The following FAM149B1 variants were observed in gnomAD, a reference collection of about 807,000 sequenced individuals.
The protein encoded by FAM149B1 is primary cilium assembly protein FAM149B1.
Under a neutral mutation model 75.3 loss-of-function variants are expected in FAM149B1, and 56 were observed. The ratio of observed to expected loss-of-function variants is 0.74; its 90% CI spans 0.60 to 0.93. FAM149B1 has a LOEUF of 0.93. Among genes scored for constraint, FAM149B1 ranks in the 40% least tolerant of loss-of-function variants. The pLI, the probability that FAM149B1 is intolerant of heterozygous loss-of-function variation, is 0.00. For missense variants in FAM149B1, 639 were observed against 708.4 expected (o/e 0.90, Z 1.11); for synonymous variants, 259 against 256.1 (o/e 1.01, Z -0.11).
intron 5 of FAM149B1, chr10:73,201,133 T>G: frequency 3.7e-6 from 1 of 272,422 alleles, no homozygotes; most frequent in Admixed American, 3.8e-5. Context: ...AAAAACTTTG[T>G]TACTGAGGAA....
At chr10:73,179,502 C>G (rs916336828) in intron 3 of FAM149B1, among the ~76,000 whole-genome samples, 3 of 151,946 alleles carry the variant, frequency 2.0e-5, no homozygotes, top group African/African-American at 7.2e-5. Context: ...CAGCCTCAAA[C>G]TCCTGGGCTC....
At chr10:73,178,081 A>G in intron 3 of FAM149B1, 106 bp downstream of exon 3, 1 of 1,141,096 alleles carries the variant, frequency 8.8e-7, no homozygotes, top group Non-Finnish European at 1.2e-6. Context: ...GTTTCTTTAC[A>G]TTTATCATAC....
rs1191885498 is a variant in FAM149B1 at position 73,242,886 on chromosome 10, T to C, written c.*1867T>C. Reference sequence around the variant, plus strand: ...ACACCTCTTACAAAAATGCTTGAAGTAATTTAACACCTGTACATCAGTACA... The same window carrying C: ...ACACCTCTTACAAAAATGCTTGAAGCAATTTAACACCTGTACATCAGTACA... On this transcript the variant is annotated 3_prime_UTR_variant, in exon 14 of 14. Transcript: ENST00000242505. 1.3e-5 allele frequency: 2 copies of C among 152,782 alleles called. No homozygotes were observed. The highest frequency in any genetic ancestry group is 4.8e-5 in the African/African-American group (2 of 41,438). 9.5% of individuals were successfully genotyped at this position (152,782 alleles called of 1,614,324 possible). A position where few individuals can be genotyped will look rare whatever the true frequency, so the allele number is the denominator to read the frequency against.
intron 5 of FAM149B1, among the ~76,000 whole-genome samples, chr10:73,203,588 G>A (rs1397585717): frequency 6.6e-6 from 1 of 151,468 alleles, no homozygotes. Context: ...CCTCTATTTT[G>A]AAACAGTTGG....
intron 5 of FAM149B1, among the ~76,000 whole-genome samples, chr10:73,193,913 C>T (rs2042736805): frequency 6.6e-6 from 1 of 152,146 alleles, no homozygotes; most frequent in South Asian, 2.1e-4. Flanking sequence ...GGTCAAGGGG[C>T]AGGACCTTCT....
rs147270079 is a variant in FAM149B1, at chr10:73,207,109, C to T, written c.543-1510C>T. On this transcript the variant is annotated intron_variant, in intron 5 of 13. Coordinates refer to ENST00000242505, the MANE Select transcript of FAM149B1 (RefSeq NM_173348.2). ...AAGCCTGATGCAGGGGTGGAGTCCT[C>T]ACAGAGAATCTCTATTGGGCAGTGC... Among the ~76,000 whole-genome samples, 583 of 152,246 alleles carry T rather than the reference C, an allele frequency of 3.8e-3. 8 individuals carry two copies. The highest frequency in any genetic ancestry group is 0.013 in the African/African-American group (530 of 41,528).
chr10:73,230,774 G>A (rs1589190865), intron 9 of FAM149B1: 1 of 385,022 alleles, frequency 2.6e-6, no homozygotes. Context: ...CCATGTGCGT[G>A]CTGTCCAGAA....
At chr10:73,174,589 CCAGAG>C in intron 1 of FAM149B1, 93 bp from the exon 2 acceptor site, 1 of 850,880 alleles carries the variant, frequency 1.2e-6, no homozygotes, top group Non-Finnish European at 1.9e-6. Context: ...CAGTGCAGTT[CCAGAG>C]CAGAGGAAGT....
chr10:73,233,084 A>G lies in FAM149B1; in HGVS notation c.1273A>G (p.Thr425Ala), dbSNP rs1250527336. ...STRRRNPPPR[T>A]LHPISTSHSC... Reference sequence around the variant, plus strand: ...CAGGAGACGCAATCCACCACCACGAACTCTTCATCCGATCAGCACGAGCCA... The same window carrying G: ...CAGGAGACGCAATCCACCACCACGAGCTCTTCATCCGATCAGCACGAGCCA... The change falls in exon 10 of 14, where the codon ACT becomes GCT. Residue 425 changes from threonine (T) to alanine (A), a missense_variant. Thr to Ala is a moderately conservative substitution (Grantham distance 58, BLOSUM62 0). Coordinates refer to ENST00000242505, the MANE Select transcript of FAM149B1 (RefSeq NM_173348.2). 3.2e-6 allele frequency: 5 copies of G among 1,551,302 alleles called. No homozygotes were observed. The highest frequency in any genetic ancestry group is 2.0e-5 in the Admixed American group (1 of 50,942).
At chr10:73,205,983 AC>A (rs2043045523) in intron 5 of FAM149B1, among the ~76,000 whole-genome samples, 1 of 152,242 alleles carries the variant, frequency 6.6e-6, no homozygotes, top group African/African-American at 2.4e-5. Flanking sequence ...ATGTTGAAAG[AC>A]TGGAGGGCTC....
At chr10:73,194,729 T>C (rs1589152282) in intron 5 of FAM149B1, among the ~76,000 whole-genome samples, 1 of 149,980 alleles carries the variant, frequency 6.7e-6, no homozygotes, top group South Asian at 2.1e-4. Flanking sequence ...AAGGCTGGAG[T>C]GCAGTGTGCA....
chr10:73,219,549 A>G (rs1040905952), intron 7 of FAM149B1, among the ~76,000 whole-genome samples: 1 of 152,254 alleles, frequency 6.6e-6, no homozygotes, highest in Non-Finnish European at 1.5e-5. Context: ...TGAAACTGGC[A>G]TAAGGACAGA....
intron 7 of FAM149B1, among the ~76,000 whole-genome samples, chr10:73,221,937 T>C (rs1167919161): frequency 6.6e-6 from 1 of 152,204 alleles, no homozygotes; most frequent in Non-Finnish European, 1.5e-5. Flanking sequence ...GTGTATTTCA[T>C]GTGAGATATT....
intron 7 of FAM149B1, among the ~76,000 whole-genome samples, chr10:73,221,154 G>A (rs192910463): frequency 3.5e-4 from 53 of 152,190 alleles, no homozygotes; most frequent in Middle Eastern, 6.8e-3. Flanking sequence ...GTTTCTTTTC[G>A]GAGTGATAGA....
chr10:73,200,717 G>A, intron 5 of FAM149B1: 1 of 471,410 alleles, frequency 2.1e-6, no homozygotes, highest in Non-Finnish European at 4.2e-6. Context: ...TCAAATTCTG[G>A]TGAAAAAGGA....
chr10:73,178,254 G>C (rs1291716196), intron 3 of FAM149B1, among the ~76,000 whole-genome samples: 2 of 152,210 alleles, frequency 1.3e-5, no homozygotes, highest in Non-Finnish European at 2.9e-5. Flanking sequence ...CACTTTGGGA[G>C]GCCGAGGCGG....
chr10:73,209,652 A>G (rs1018426251), intron 6 of FAM149B1, among the ~76,000 whole-genome samples: 1 of 152,148 alleles, frequency 6.6e-6, no homozygotes, highest in African/African-American at 2.4e-5. Context: ...GTCTCAAGTA[A>G]AGCTAAAACC....
intron 8 of FAM149B1, 30 bp from the exon 9 acceptor site, chr10:73,230,392 T>A (rs1311949727): frequency 5.7e-6 from 7 of 1,220,588 alleles, no homozygotes; most frequent in Non-Finnish European, 4.7e-6. Flanking sequence ...CTCCAACCGA[T>A]CAAGAGTACT....
intron 10 of FAM149B1, chr10:73,234,080 A>C (rs1355931186): frequency 6.6e-6 from 1 of 152,254 alleles, no homozygotes; most frequent in Non-Finnish European, 1.5e-5. Flanking sequence ...CTGTTGATTC[A>C]CAAAATGTCT....
Sources: allele counts gnomAD v4.1 joint callset (sites outside exome capture counted in the v4.1 genomes callset), GRCh38; gene constraint gnomAD v4.1.1; transcripts MANE v1.5; gene names NCBI Gene and HGNC (gene_info 2026-07-23, HGNC 2026-07-21).